The following ZNF438 variants were observed in gnomAD, a reference collection of about 807,000 sequenced individuals.
The protein encoded by ZNF438 is zinc finger protein 438.
In ZNF438, 25 loss-of-function variants were observed where a neutral mutation model predicts 38.0. That is an observed-to-expected ratio of 0.66 (90% CI 0.48 to 0.92). The LOEUF (loss-of-function observed/expected upper bound fraction) is 0.92. Among genes scored for constraint, ZNF438 ranks in the 40% least tolerant of loss-of-function variants. The probability of loss-of-function intolerance (pLI) is 0.00; values close to 1 mark genes in which losing one functional copy is unlikely to be tolerated. For synonymous variants in ZNF438, 372 were observed against 364.1 expected (o/e 1.02, Z -0.25); for missense variants, 1,007 against 999.6 (o/e 1.01, Z -0.10).
At position 30,921,842 on chromosome 10, in the gene ZNF438, C is replaced by T. The variant is rs528175662; in HGVS notation, c.-114-12827G>A. On this transcript the variant is annotated intron_variant, in intron 2 of 5. Coordinates refer to ENST00000413025, the Ensembl canonical transcript of ZNF438. The stretch of plus-strand genomic sequence containing the variant: ...CCTCAACTCTCATTCTTCCCAATAC[C>T]GATCTTTCTGAGAGTGTACTGGCAG... Among the ~76,000 whole-genome samples, 4 of 152,240 alleles carry T rather than the reference C, an allele frequency of 2.6e-5. No homozygotes were observed. The South Asian group carries it at 6.2e-4, about 24-fold the overall frequency.
At chr10:30,857,235 T>G (rs2034800749) in intron 4 of ZNF438, among the ~76,000 whole-genome samples, 1 of 151,412 alleles carries the variant, frequency 6.6e-6, no homozygotes, top group Middle Eastern at 3.4e-3. Context: ...GAAATAGAAA[T>G]GGCTTGTCAT....
intron 2 of ZNF438, among the ~76,000 whole-genome samples, chr10:30,909,327 C>T (rs913541228): frequency 6.6e-6 from 1 of 152,134 alleles, no homozygotes; most frequent in Non-Finnish European, 1.5e-5. Flanking sequence ...TCATTCAGCA[C>T]CTTCACACAT....
At chr10:30,953,601 C>A (rs1331278132) in intron 1 of ZNF438, among the ~76,000 whole-genome samples, 2 of 150,610 alleles carry the variant, frequency 1.3e-5, no homozygotes, top group Non-Finnish European at 3.0e-5. Flanking sequence ...CTAACCTGCA[C>A]AACGTGCACA....
At chr10:30,920,809 G>A (rs1029423194) in intron 2 of ZNF438, 4 of 152,118 alleles carry the variant, frequency 2.6e-5, no homozygotes, top group Non-Finnish European at 5.9e-5. Context: ...AGAAAACTTG[G>A]TTTAGATACT....
At chr10:30,948,261 A>G (rs180882334) in intron 1 of ZNF438, among the ~76,000 whole-genome samples, 12,055 of 152,224 alleles carry the variant, frequency 0.079, 568 homozygotes, top group Non-Finnish European at 0.11. Flanking sequence ...CATCACCATC[A>G]TCAAAGACCA....
chr10:31,024,583 G>A (rs902990730), intron 1 of ZNF438, among the ~76,000 whole-genome samples: 3 of 151,910 alleles, frequency 2.0e-5, no homozygotes, highest in Admixed American at 6.5e-5. Flanking sequence ...AGCCAAGATC[G>A]CGCCACTGCG....
intron 1 of ZNF438, among the ~76,000 whole-genome samples, chr10:31,024,439 A>C (rs971340315): frequency 2.6e-5 from 4 of 152,120 alleles, no homozygotes; most frequent in Non-Finnish European, 5.9e-5. Context: ...ATCCTGGCTA[A>C]CACGGTGAAA....
intron 1 of ZNF438, among the ~76,000 whole-genome samples, chr10:31,001,094 C>T (rs562362952): frequency 9.9e-5 from 15 of 152,248 alleles, no homozygotes; most frequent in South Asian, 2.1e-4. Context: ...CATTACAACA[C>T]GATTACAACA....
At chr10:30,999,285 T>C (rs2054404901) in intron 1 of ZNF438, 1 of 152,092 alleles carries the variant, frequency 6.6e-6, no homozygotes, top group African/African-American at 2.4e-5. Flanking sequence ...CTTGGGAAAA[T>C]ACATCATTTT....
Position 30,844,980 on chromosome 10 carries a change from G to C in ZNF438, c.2468C>G (p.Ser823Cys), listed in dbSNP as rs1453937955. 1.2e-6 allele frequency: 2 copies of C among 1,613,682 alleles called. No individual in the cohort carries two copies. Among genetic ancestry groups the C allele is most frequent in the African/African-American group, 1.3e-5 (1 of 74,910 alleles). The change falls in exon 6 of 6, where the codon TCC (serine) becomes TGC (cysteine). Residue 823 changes from serine (S) to cysteine (C), a missense_variant. Physicochemically the swap from Ser to Cys is moderately radical, Grantham distance 112. Coordinates refer to ENST00000413025, the Ensembl canonical transcript of ZNF438. Reference sequence around the variant, plus strand: ...GGGGTCTCATTTCTCAGCTTCACTGGAAAGTTCGATCACTCCCTGGTTGGA... The same window carrying C: ...GGGGTCTCATTTCTCAGCTTCACTGCAAAGTTCGATCACTCCCTGGTTGGA...
chr10:30,951,166 G>C (rs1266838199), intron 1 of ZNF438, among the ~76,000 whole-genome samples: 1 of 151,310 alleles, frequency 6.6e-6, no homozygotes, highest in Admixed American at 6.6e-5. Context: ...TATCTCAATA[G>C]ATGCAGAAAA....
At chr10:30,996,678 AT>A (rs1351036108) in intron 1 of ZNF438, among the ~76,000 whole-genome samples, 1 of 152,006 alleles carries the variant, frequency 6.6e-6, no homozygotes, top group Non-Finnish European at 1.5e-5. Context: ...AATACAGAAG[AT>A]TTGAACAACA....
chr10:30,990,014 T>G (rs2053303752), intron 1 of ZNF438, among the ~76,000 whole-genome samples: 1 of 152,206 alleles, frequency 6.6e-6, no homozygotes, highest in Non-Finnish European at 1.5e-5. Context: ...GAGCTAAGTT[T>G]AAGAGGCTTC....
At chr10:30,989,612 T>G (rs1318219817) in intron 1 of ZNF438, among the ~76,000 whole-genome samples, 1 of 152,196 alleles carries the variant, frequency 6.6e-6, no homozygotes, top group Admixed American at 6.5e-5. Context: ...AGAAGACATC[T>G]CCAGTCCTAA....
At chr10:30,915,552 T>C (rs1050127943) in intron 2 of ZNF438, among the ~76,000 whole-genome samples, 1 of 151,848 alleles carries the variant, frequency 6.6e-6, no homozygotes, top group African/African-American at 2.4e-5. Flanking sequence ...TGTAGGACTA[T>C]ATAGGAAGCC....
intron 3 of ZNF438, among the ~76,000 whole-genome samples, chr10:30,891,457 A>G (rs1307986040): frequency 6.6e-6 from 1 of 152,190 alleles, no homozygotes; most frequent in East Asian, 1.9e-4. Flanking sequence ...ACTAAAAGTG[A>G]CAGATAATTA....
chr10:31,026,742 T>A (rs927398546), intron 1 of ZNF438, among the ~76,000 whole-genome samples: 3 of 152,022 alleles, frequency 2.0e-5, no homozygotes, highest in Non-Finnish European at 4.4e-5. Flanking sequence ...CATGACTGGG[T>A]ATATACCCAA....
intron 1 of ZNF438, among the ~76,000 whole-genome samples, chr10:30,998,387 C>T (rs2054273626): frequency 6.6e-6 from 1 of 150,862 alleles, no homozygotes; most frequent in African/African-American, 2.4e-5. Flanking sequence ...AAGAAAAATA[C>T]AAAAAATTAG....
intron 1 of ZNF438, among the ~76,000 whole-genome samples, chr10:31,000,992 C>A (rs12219452): frequency 6.6e-6 from 1 of 152,058 alleles, no homozygotes; most frequent in Non-Finnish European, 1.5e-5. Context: ...AAGTCCTGTT[C>A]GAGAGTTATC....
Sources: gnomAD v4.1 joint callset for allele counts (sites outside exome capture counted in the v4.1 genomes callset) on GRCh38, gnomAD v4.1.1 for gene constraint, MANE v1.5 for transcripts, NCBI Gene and HGNC (gene_info 2026-07-23, HGNC 2026-07-21) for gene names.